Variants in DYM observed in about 807,000 individuals in gnomAD.
DYM encodes dyggve-Melchior-Clausen syndrome protein.
DYM carries 78 observed loss-of-function variants against 93.1 expected under a neutral mutation model. The observed-to-expected ratio is 0.84, with a 90% confidence interval of 0.70 to 1.01. The LOEUF is 1.01. DYM is among the 50% of genes least tolerant of loss of function. The pLI is 0.00. For synonymous variants in DYM, 321 were observed against 319.7 expected (o/e 1.00, Z -0.04); for missense variants, 789 against 845.0 (o/e 0.93, Z 0.82).
In DYM at chr18:49,458,718, A is replaced by C. The variant is rs546253562; in HGVS notation, c.-54+1680T>G. On this transcript the variant is annotated intron_variant, in intron 1 of 17. Coordinates refer to ENST00000675505, the MANE Select transcript of DYM (RefSeq NM_001353214.3). ...GCCAGGCATGGTAGCACGTGCCTGT[A>C]ATCCCAGCTACTCAGGAGGCTGAGG... 5.3e-5 allele frequency among the ~76,000 whole-genome samples: 8 copies of C among 152,248 alleles called. No individual in the cohort carries two copies. The South Asian group carries it at 1.4e-3, about 28-fold the overall frequency.
At chr18:49,068,861 G>T (rs1357384456) in intron 17 of DYM, among the ~76,000 whole-genome samples, 2 of 152,170 alleles carry the variant, frequency 1.3e-5, no homozygotes, top group Non-Finnish European at 2.9e-5. Flanking sequence ...TTCGGAATCA[G>T]GGTCAATTCT....
At chr18:49,335,573 A>G (rs1240054209) in intron 6 of DYM, among the ~76,000 whole-genome samples, 1 of 152,246 alleles carries the variant, frequency 6.6e-6, no homozygotes, top group African/African-American at 2.4e-5. Context: ...TGATTTACTA[A>G]TGATGATTTG....
intron 17 of DYM, among the ~76,000 whole-genome samples, chr18:49,064,188 T>G (rs575026700): frequency 6.6e-6 from 1 of 152,342 alleles, no homozygotes; most frequent in South Asian, 2.1e-4. Context: ...ATCATGTACA[T>G]TATACAAAAT....
At chr18:49,291,481 G>T (rs1376049136) in intron 8 of DYM, among the ~76,000 whole-genome samples, 5 of 152,228 alleles carry the variant, frequency 3.3e-5, no homozygotes, top group Non-Finnish European at 5.9e-5. Context: ...GAGCTGTTAT[G>T]GGGGAAGGGG....
intron 13 of DYM, among the ~76,000 whole-genome samples, chr18:49,249,362 T>C (rs1342209610): frequency 6.6e-6 from 1 of 152,176 alleles, no homozygotes; most frequent in Non-Finnish European, 1.5e-5. Context: ...TATTATGTTA[T>C]TACATATTTG....
At chr18:49,100,450 T>C (rs1253243096) in intron 16 of DYM, among the ~76,000 whole-genome samples, 1 of 152,122 alleles carries the variant, frequency 6.6e-6, no homozygotes, top group East Asian at 1.9e-4. Context: ...CTGCGGCCTA[T>C]ACTGGCTTTC....
chr18:49,192,377 T>C (rs2091062408), intron 14 of DYM, among the ~76,000 whole-genome samples: 1 of 152,208 alleles, frequency 6.6e-6, no homozygotes, highest in South Asian at 2.1e-4. Context: ...TTTTCTCCTA[T>C]GTTTTCTTCC....
rs1200051930 is a variant in DYM, at chr18:49,292,352, A to G, written c.764-5736T>C. Among the ~76,000 whole-genome samples the G allele has an allele frequency of 4.1e-3, 177 of 43,686 alleles. 2 individuals are homozygous for G. Among genetic ancestry groups the G allele is most frequent in the East Asian group, 0.037 (104 of 2,808 alleles). The allele number at this position is 43,686 out of a possible 152,430, so 28.7% of individuals were successfully genotyped here. A position where few individuals can be genotyped will look rare whatever the true frequency, so the allele number is the denominator to read the frequency against. On this transcript the variant is annotated intron_variant, in intron 8 of 17. Transcript: ENST00000675505. ...GGCAGGCAGGCAGACAGACAGACAG[A>G]CAGACACACACACACACACACACAC...
At chr18:49,355,316 T>C (rs1266948441) in intron 6 of DYM, among the ~76,000 whole-genome samples, 2 of 152,028 alleles carry the variant, frequency 1.3e-5, no homozygotes, top group East Asian at 3.8e-4. Context: ...ATATCATAGA[T>C]AGACATCAAT....
intron 14 of DYM, among the ~76,000 whole-genome samples, chr18:49,196,514 A>G (rs1249798253): frequency 6.6e-6 from 1 of 152,158 alleles, no homozygotes; most frequent in African/African-American, 2.4e-5. Context: ...AGTGAGAGTG[A>G]CAGCAAAAGT....
chr18:49,183,998 C>A lies in DYM; in HGVS notation c.1626-20211G>T, dbSNP rs1223005296. 3.9e-5 allele frequency among the ~76,000 whole-genome samples: 6 copies of A among 152,242 alleles called. No individual in the cohort carries two copies. In the South Asian group the frequency reaches 1.2e-3, roughly 32 times the overall value. ...GGGCCCTCACCAGACCCCACTAGAC[C>A]CCACCCTACTGGCACTTTGATCTTG... On this transcript the variant is annotated intron_variant, in intron 14 of 17. Transcript: ENST00000675505.
At chr18:49,144,360 A>G (rs528479659) in intron 15 of DYM, among the ~76,000 whole-genome samples, 1 of 152,104 alleles carries the variant, frequency 6.6e-6, no homozygotes. Flanking sequence ...CTACATCAGG[A>G]GAAACATAAT....
chr18:49,399,930 TTTTC>T (rs1393093102), intron 2 of DYM, among the ~76,000 whole-genome samples: 21 of 131,438 alleles, frequency 1.6e-4, no homozygotes, highest in African/African-American at 5.3e-4. Context: ...TTATTTTTAT[TTTTC>T]TTTTTTTTTT....
chr18:49,090,427 G>A (rs181207592), intron 17 of DYM, among the ~76,000 whole-genome samples: 17 of 152,308 alleles, frequency 1.1e-4, no homozygotes, highest in African/African-American at 4.1e-4. Context: ...AAAGTCTAAA[G>A]TGATAAAAAT....
Position 49,318,797 on chromosome 18 carries a change from C to CTTTTTTT in DYM, c.763+13060_763+13066dup, listed in dbSNP as rs932617888. On this transcript the variant is annotated intron_variant, in intron 8 of 17. Transcript: ENST00000675505. ...TGAACAGGTAACATTATTTCTTTTT[C>CTTTTTTT]TTTTTTTTTTTTTTTTTTTTTGAGA... Among the ~76,000 whole-genome samples the CTTTTTTT allele has an allele frequency of 3.1e-3, 353 of 114,334 alleles. 1 individual carries two copies. The highest frequency in any genetic ancestry group is 5.3e-3 in the Middle Eastern group (1 of 188). The allele number at this position is 114,334 out of a possible 152,430, so 75.0% of individuals were successfully genotyped here.
intron 17 of DYM, among the ~76,000 whole-genome samples, chr18:49,065,511 C>T (rs1005026937): frequency 6.6e-6 from 1 of 152,130 alleles, no homozygotes; most frequent in Non-Finnish European, 1.5e-5. Context: ...TACAGGGATG[C>T]ACCACCATGC....
intron 13 of DYM, among the ~76,000 whole-genome samples, chr18:49,248,487 A>T (rs2094217188): frequency 1.3e-5 from 2 of 152,236 alleles, no homozygotes; most frequent in Admixed American, 1.3e-4. Flanking sequence ...GAGATGAAAA[A>T]TAAGTTAAAT....
chr18:49,391,730 A>G, intron 2 of DYM, 85 bp from the exon 3 acceptor site: 1 of 1,213,978 alleles, frequency 8.2e-7, no homozygotes, highest in Non-Finnish European at 1.2e-6. Flanking sequence ...ATATAAAGAT[A>G]AGAAAAATAA....
intron 1 of DYM, among the ~76,000 whole-genome samples, chr18:49,432,765 A>G (rs1376152110): frequency 1.3e-5 from 2 of 151,996 alleles, no homozygotes; most frequent in Admixed American, 1.3e-4. Context: ...GGTACATGCC[A>G]CCAAAGCCCA....
Sources: allele counts gnomAD v4.1 joint callset (sites outside exome capture counted in the v4.1 genomes callset), GRCh38; gene constraint gnomAD v4.1.1; transcripts MANE v1.5; gene names NCBI Gene and HGNC (gene_info 2026-07-23, HGNC 2026-07-21).